The following NUDT5 variants were observed in gnomAD, a reference collection of about 807,000 sequenced individuals.
The protein encoded by NUDT5 is nudix hydrolase 5, also known as ADP-sugar pyrophosphatase.
Under a neutral mutation model 34.1 loss-of-function variants are expected in NUDT5, and 21 were observed. The observed-to-expected ratio is 0.62, with a 90% CI of 0.44 to 0.89. The LOEUF is 0.89. Ranked by LOEUF, NUDT5 falls within the 40% of genes least tolerant of loss-of-function variation. The probability of loss-of-function intolerance (pLI) is 0.00; values close to 1 mark genes in which losing one functional copy is unlikely to be tolerated. For synonymous variants in NUDT5, 85 were observed against 97.6 expected, an observed-to-expected ratio of 0.87 and a Z score of 0.76; for missense variants, 249 against 274.8, an observed-to-expected ratio of 0.91 and a Z score of 0.66.
chr10:12,171,241 G>A lies in NUDT5; in HGVS notation c.488-333C>T, dbSNP rs539548039. Among the ~76,000 whole-genome samples, 7 of 152,208 alleles carry A rather than the reference G, an allele frequency of 4.6e-5. No individual in the cohort carries two copies. The highest frequency in any genetic ancestry group is 8.8e-5 in the Non-Finnish European group (6 of 68,022). On this transcript the variant is annotated intron_variant, in intron 7 of 9. Transcript: ENST00000491614. This position sits in a 1 kb window ranked among gnomAD's most constrained non-coding sequence, Gnocchi z 4.2. Reference sequence around the variant, plus strand: ...AGCATTAAATAACATTCAAAAAGGTGCACAACCACCACCAGTATCCATCTC... The same window carrying A: ...AGCATTAAATAACATTCAAAAAGGTACACAACCACCACCAGTATCCATCTC...
At chr10:12,194,501 G>A (rs1221731241) in intron 1 of NUDT5, among the ~76,000 whole-genome samples, 2 of 152,168 alleles carry the variant, frequency 1.3e-5, no homozygotes, top group African/African-American at 2.4e-5. Flanking sequence ...AATCATGACT[G>A]TCCATCCCCA....
chr10:12,187,002 C>A lies in NUDT5; in HGVS notation c.-41-670G>T, dbSNP rs145127350. On this transcript the variant is annotated intron_variant, in intron 1 of 9. Coordinates refer to ENST00000491614, the MANE Select transcript of NUDT5 (RefSeq NM_014142.4). The surrounding 1 kb of genome is among the most constrained non-coding windows in gnomAD (Gnocchi z 5.4). ...AAGATTTACCACTCTCCATGCCCAC[C>A]TCTCAGTCTTTTATCCATCTGTTAC... is the stretch of plus-strand genomic sequence containing the variant. Among the ~76,000 whole-genome samples, 1,221 of 152,184 alleles carry A rather than the reference C, an allele frequency of 8.0e-3. 15 individuals carry two copies. The highest frequency in any genetic ancestry group is 0.027 in the African/African-American group (1,129 of 41,512).
At position 12,186,307 on chromosome 10, in the gene NUDT5, T is replaced by C; in HGVS notation, c.-16A>G. 1 of 1,593,406 alleles carries C rather than the reference T, an allele frequency of 6.3e-7. No individual in the cohort carries two copies. The highest frequency in any genetic ancestry group is 1.1e-5 in the South Asian group (1 of 90,682). On this transcript the variant is annotated 5_prime_UTR_variant, in exon 2 of 10. Transcript: ENST00000491614. ...GGCTCTCCATTTTCAAACGAGTCTTTACAGCCCTCAGGTGAGAAGTTCACC... is the reference window on the plus strand; with the variant it reads ...GGCTCTCCATTTTCAAACGAGTCTTCACAGCCCTCAGGTGAGAAGTTCACC...
chr10:12,172,743 A>C (rs1834878735), intron 7 of NUDT5, 22 bp downstream of exon 7: 26 of 1,570,556 alleles, frequency 1.7e-5, no homozygotes, highest in Non-Finnish European at 2.2e-5. Context: ...CACCACCTTC[A>C]TCACAGCCGA....
intron 1 of NUDT5, among the ~76,000 whole-genome samples, chr10:12,192,128 G>C (rs1835240984): frequency 6.6e-6 from 1 of 152,076 alleles, no homozygotes; most frequent in Admixed American, 6.6e-5. Flanking sequence ...GACAAAAGAG[G>C]GTCAGGCACT....
At chr10:12,192,721 C>T (rs1431548260) in intron 1 of NUDT5, among the ~76,000 whole-genome samples, 2 of 151,982 alleles carry the variant, frequency 1.3e-5, no homozygotes, top group African/African-American at 4.8e-5. Flanking sequence ...TGAGGTGGCA[C>T]ACGCCAGTAG....
At chr10:12,192,616 G>A (rs1835251383) in intron 1 of NUDT5, among the ~76,000 whole-genome samples, 1 of 152,082 alleles carries the variant, frequency 6.6e-6, no homozygotes, top group South Asian at 2.1e-4. Flanking sequence ...CGCTTTCGGA[G>A]GCCAAGGCAG....
Position 12,167,753 on chromosome 10 carries a change from T to G in NUDT5, c.609A>C (p.Ala203=). 6.2e-7 allele frequency: 1 copy of G among 1,613,910 alleles called. No individual in the cohort carries two copies. The highest frequency in any genetic ancestry group is 1.1e-5 in the South Asian group (1 of 91,068). ...VDARVYSYAL[A]LKHANAKPFE... ...ATGGCTTTGCATTTGCATGTTTCAG[T>G]GCTAGAGCGTAGGAATAGACCCTGG... Residue 203 remains alanine, a synonymous_variant, in exon 10 of 10, where the codon GCA becomes GCC. Coordinates refer to ENST00000491614, the MANE Select transcript of NUDT5 (RefSeq NM_014142.4).
At position 12,186,288 on chromosome 10, in the gene NUDT5, C is replaced by G; in HGVS notation, c.4G>C (p.Glu2Gln). The change falls in exon 2 of 10, where the codon GAG (glutamate) becomes CAG (glutamine). Residue 2 changes from glutamate to glutamine, a missense_variant. Coordinates refer to ENST00000491614, the MANE Select transcript of NUDT5 (RefSeq NM_014142.4). MESQEPTESSQN... is the reference protein window; with the variant it reads MQSQEPTESSQN... ...GAAGATTCCGTTGGTTCTTGGCTCT[C>G]CATTTTCAAACGAGTCTTTACAGCC... The G allele has an allele frequency of 6.2e-7, 1 of 1,612,622 alleles. No individual in the cohort carries two copies. The highest frequency in any genetic ancestry group is 8.5e-7 in the Non-Finnish European group (1 of 1,178,558).
rs1000360604 is a variant in NUDT5 at position 12,166,007 on chromosome 10, G to A, written c.*1695C>T. 3 of 152,176 alleles carry A rather than the reference G, an allele frequency of 2.0e-5. No individual in the cohort carries two copies. Among genetic ancestry groups the A allele is most frequent in the Admixed American group, 6.5e-5 (1 of 15,280 alleles). The allele number at this position is 152,176 out of a possible 1,614,324, so 9.4% of individuals were successfully genotyped here. On this transcript the variant is annotated 3_prime_UTR_variant, in exon 10 of 10. Transcript: ENST00000491614. ...GGGCAAATAAACATTTTTAAACAGT[G>A]CCAGCCAGACTGCCAGTTCTCAAAC...
chr10:12,175,534 C>A lies in NUDT5; in HGVS notation c.290-1721G>T, dbSNP rs1376182717. On this transcript the variant is annotated intron_variant, in intron 5 of 9. Coordinates refer to ENST00000491614, the MANE Select transcript of NUDT5 (RefSeq NM_014142.4). The surrounding 1 kb of genome is among the most constrained non-coding windows in gnomAD (Gnocchi z 4.8). ...ATGCACGCCTGCAGACCCAGCTACCCAGGAAGCCAAGGCAGGAGGATCACT... is the reference window on the plus strand; with the variant it reads ...ATGCACGCCTGCAGACCCAGCTACCAAGGAAGCCAAGGCAGGAGGATCACT... 2.6e-5 allele frequency among the ~76,000 whole-genome samples: 4 copies of A among 151,340 alleles called. No individual in the cohort carries two copies. The highest frequency in any genetic ancestry group is 1.3e-4 in the Admixed American group (2 of 15,198).
At position 12,182,775 on chromosome 10, in the gene NUDT5, C is replaced by A. The variant is rs1019055328; in HGVS notation, c.131+2114G>T. On this transcript the variant is annotated intron_variant, in intron 3 of 9. Coordinates refer to ENST00000491614, the MANE Select transcript of NUDT5 (RefSeq NM_014142.4). The surrounding 1 kb of genome is among the most constrained non-coding windows in gnomAD (Gnocchi z 4.3). ...TTTTTGAGATGGAGTCTCGCTCTGT[C>A]GCCCAGGCTGGAGTACAGTGGTGCA... Among the ~76,000 whole-genome samples the A allele has an allele frequency of 6.6e-6, 1 of 152,152 alleles. No individual in the cohort carries two copies. The highest frequency in any genetic ancestry group is 2.4e-5 in the African/African-American group (1 of 41,436).
At chr10:12,186,134 G>A in intron 2 of NUDT5, 95 bp downstream of exon 2, 1 of 1,015,896 alleles carries the variant, frequency 9.8e-7, no homozygotes, top group Non-Finnish European at 1.5e-6. Flanking sequence ...CTGTCTTCAA[G>A]AATGAAAGAC....
rs1279207059 is a variant in NUDT5, at chr10:12,175,754, A to G, written c.290-1941T>C. Among the ~76,000 whole-genome samples, 1 of 151,090 alleles carries G rather than the reference A, an allele frequency of 6.6e-6. No individual in the cohort carries two copies. The highest frequency in any genetic ancestry group is 2.4e-5 in the African/African-American group (1 of 41,106). ...TAGAGATCAGCCTGGGCAACATGGC[A>G]AAACCCCATCTCTACAAAAAAATAC... On this transcript the variant is annotated intron_variant, in intron 5 of 9. Coordinates refer to ENST00000491614, the MANE Select transcript of NUDT5 (RefSeq NM_014142.4). The surrounding 1 kb of genome is among the most constrained non-coding windows in gnomAD (Gnocchi z 4.8).
intron 2 of NUDT5, 93 bp downstream of exon 2, chr10:12,186,134 GAA>G (rs1322071181): frequency 9.8e-7 from 1 of 1,015,778 alleles, no homozygotes; most frequent in African/African-American, 1.6e-5. Flanking sequence ...CTGTCTTCAA[GAA>G]TGAAAGACCA....
At chr10:12,174,039 T>C (rs1031358455) in intron 5 of NUDT5, among the ~76,000 whole-genome samples, 3 of 152,024 alleles carry the variant, frequency 2.0e-5, no homozygotes, top group Admixed American at 2.0e-4. Context: ...GCTAATTTTT[T>C]GTATTTTTAG....
intron 7 of NUDT5, chr10:12,172,478 T>C: frequency 2.3e-6 from 1 of 434,396 alleles, no homozygotes; most frequent in Non-Finnish European, 4.2e-6. Flanking sequence ...TGTTTACTAC[T>C]TAAGCCTGCA....
chr10:12,191,207 C>T (rs1454210610), intron 1 of NUDT5, among the ~76,000 whole-genome samples: 1 of 151,952 alleles, frequency 6.6e-6, no homozygotes, highest in African/African-American at 2.4e-5. Flanking sequence ...CATGGTGAAA[C>T]CCCATCTCTA....
intron 3 of NUDT5, chr10:12,180,597 T>C (rs1362646798): frequency 1.3e-5 from 2 of 152,200 alleles, no homozygotes; most frequent in African/African-American, 4.8e-5. Flanking sequence ...AACGCATTGA[T>C]AAGAAATCTC....
Sources: gnomAD v4.1 joint callset for allele counts (sites outside exome capture counted in the v4.1 genomes callset) on GRCh38, gnomAD v4.1.1 for gene constraint, Gnocchi (gnomAD v3.1) non-coding constraint, MANE v1.5 for transcripts, NCBI Gene and HGNC (gene_info 2026-07-23, HGNC 2026-07-21) for gene names.